The following RFX7 variants were observed in gnomAD, a reference collection of about 807,000 sequenced individuals.
The protein encoded by RFX7 is regulatory factor X7, also known as DNA-binding protein RFX7.
In RFX7, 26 loss-of-function variants were observed where a neutral mutation model predicts 111.8. That is an observed-to-expected ratio of 0.23 (90% CI 0.17 to 0.32). The LOEUF is 0.32. RFX7 is among the 10% of genes least tolerant of loss of function. The pLI is 1.00. For synonymous variants in RFX7, 624 were observed against 624.4 expected (o/e 1.00, Z 0.01); for missense variants, 1,573 against 1,772.9 (o/e 0.89, Z 2.02).
At chr15:56,235,021 A>G (rs545608732) in intron 2 of RFX7, among the ~76,000 whole-genome samples, 3 of 152,248 alleles carry the variant, frequency 2.0e-5, no homozygotes, top group Admixed American at 6.5e-5. Context: ...TTAGACACTT[A>G]TATCAGCAGA....
At chr15:56,121,097 A>T (rs1235072253) in intron 5 of RFX7, among the ~76,000 whole-genome samples, 2 of 152,210 alleles carry the variant, frequency 1.3e-5, no homozygotes, top group African/African-American at 2.4e-5. Context: ...TTGTACCTTC[A>T]GATGATGTCT....
intron 5 of RFX7, among the ~76,000 whole-genome samples, chr15:56,128,696 T>C (rs1327762792): frequency 6.6e-6 from 1 of 152,070 alleles, no homozygotes; most frequent in African/African-American, 2.4e-5. Context: ...AACACTGTAC[T>C]GAAAGTTCTA....
intron 2 of RFX7, among the ~76,000 whole-genome samples, chr15:56,182,669 A>C (rs1193854533): frequency 6.6e-6 from 1 of 152,202 alleles, no homozygotes; most frequent in Non-Finnish European, 1.5e-5. Flanking sequence ...GATACACTTA[A>C]ATGAAATTCA....
At chr15:56,182,519 A>T (rs181799621) in intron 2 of RFX7, among the ~76,000 whole-genome samples, 62 of 152,284 alleles carry the variant, frequency 4.1e-4, no homozygotes, top group Admixed American at 2.0e-3. Context: ...TGTTACTTCA[A>T]GTTGTTACTT....
At chr15:56,110,274 G>GA (rs2041902770) in intron 5 of RFX7, among the ~76,000 whole-genome samples, 1 of 99,834 alleles carries the variant, frequency 1.0e-5, no homozygotes, top group Non-Finnish European at 2.2e-5. Flanking sequence ...GGTGGGGGGG[G>GA]GTCAGCCCCC....
chr15:56,221,183 A>G (rs1164100410), intron 2 of RFX7, among the ~76,000 whole-genome samples: 2 of 152,220 alleles, frequency 1.3e-5, no homozygotes, highest in Non-Finnish European at 2.9e-5. Flanking sequence ...TTAGGTCCAC[A>G]TAAATTTTAA....
intron 5 of RFX7, among the ~76,000 whole-genome samples, chr15:56,134,660 G>A (rs1358992809): frequency 3.0e-5 from 4 of 133,924 alleles, no homozygotes; most frequent in South Asian, 4.6e-4. Flanking sequence ...GGGTACATGT[G>A]CACATTGTGC....
intron 9 of RFX7, among the ~76,000 whole-genome samples, chr15:56,097,280 A>G (rs1425234373): frequency 6.6e-6 from 1 of 152,156 alleles, no homozygotes; most frequent in Non-Finnish European, 1.5e-5. Context: ...AAAGGAGGAG[A>G]CTGTTTCCTT....
intron 3 of RFX7, among the ~76,000 whole-genome samples, chr15:56,153,791 A>T (rs1278218577): frequency 6.6e-6 from 1 of 152,218 alleles, no homozygotes; most frequent in Non-Finnish European, 1.5e-5. Context: ...AGTTCTGGCC[A>T]GGGCAATCAG....
intron 5 of RFX7, among the ~76,000 whole-genome samples, chr15:56,107,296 CAAAAAAAAAAA>C (rs56077181): frequency 6.2e-5 from 2 of 32,146 alleles, no homozygotes; most frequent in Non-Finnish European, 1.1e-4. Context: ...GACTCCGTCT[CAAAAAAAAAAA>C]AAAAAAAAAA....
At chr15:56,108,827 C>G (rs1312526426) in intron 5 of RFX7, among the ~76,000 whole-genome samples, 1 of 152,152 alleles carries the variant, frequency 6.6e-6, no homozygotes, top group Non-Finnish European at 1.5e-5. Context: ...ACTCTTTAAA[C>G]TGATAAGCAA....
At chr15:56,102,692 T>C (rs1311640059) in intron 6 of RFX7, among the ~76,000 whole-genome samples, 2 of 152,228 alleles carry the variant, frequency 1.3e-5, no homozygotes, top group Admixed American at 1.3e-4. Flanking sequence ...CACTGAAACA[T>C]ACAGGATTAT....
In RFX7 at chr15:56,102,866, A is replaced by G. The variant is rs187595786; in HGVS notation, c.519-613T>C. Among the ~76,000 whole-genome samples the G allele has an allele frequency of 2.4e-4, 36 of 152,324 alleles. 2 individuals carry two copies. Among genetic ancestry groups the G allele is most frequent in the Admixed American group, 2.2e-3 (34 of 15,298 alleles). The stretch of plus-strand genomic sequence containing the variant: ...TCTCCTCCATTTTATGCTCTGAAAA[A>G]AAGACAAGAGCTAAGGGGGAGAAAA... On this transcript the variant is annotated intron_variant, in intron 6 of 9. Transcript: ENST00000559447.
At chr15:56,145,178 C>T (rs1487264894) in intron 3 of RFX7, among the ~76,000 whole-genome samples, 1 of 152,112 alleles carries the variant, frequency 6.6e-6, no homozygotes, top group Non-Finnish European at 1.5e-5. Flanking sequence ...TTTTTGCCTT[C>T]CTACCTTTCT....
chr15:56,168,522 T>C (rs2042808457), intron 3 of RFX7, among the ~76,000 whole-genome samples: 1 of 152,180 alleles, frequency 6.6e-6, no homozygotes, highest in Admixed American at 6.5e-5. Context: ...ATAGCTTTGA[T>C]AGGGATATAC....
intron 5 of RFX7, among the ~76,000 whole-genome samples, chr15:56,120,880 C>G (rs1481452084): frequency 1.3e-5 from 2 of 152,090 alleles, no homozygotes; most frequent in Non-Finnish European, 2.9e-5. Flanking sequence ...CTAATAAAAC[C>G]TTTATACTCA....
intron 2 of RFX7, among the ~76,000 whole-genome samples, chr15:56,195,436 A>G (rs1406892788): frequency 1.3e-5 from 2 of 152,186 alleles, no homozygotes; most frequent in African/African-American, 4.8e-5. Context: ...GGATCATAAA[A>G]TTAAGAAAAA....
chr15:56,165,854 T>A lies in RFX7; in HGVS notation c.195+13416A>T, dbSNP rs555710843. 9.8e-4 allele frequency among the ~76,000 whole-genome samples: 149 copies of A among 152,330 alleles called. 1 individual carries two copies. The highest frequency in any genetic ancestry group is 3.2e-3 in the African/African-American group (133 of 41,574). On this transcript the variant is annotated intron_variant, in intron 3 of 9. Coordinates refer to ENST00000559447, the MANE Select transcript of RFX7 (RefSeq NM_022841.7). Reference sequence around the variant, plus strand: ...GGAAGGTATGTAATACAGACTTAAATGAACTTAAAATACTCAGCCTCTTTT... The same window carrying A: ...GGAAGGTATGTAATACAGACTTAAAAGAACTTAAAATACTCAGCCTCTTTT...
chr15:56,171,756 G>GT (rs1329349573), intron 3 of RFX7, among the ~76,000 whole-genome samples: 4 of 152,170 alleles, frequency 2.6e-5, no homozygotes, highest in South Asian at 2.1e-4. Flanking sequence ...AGTTATAGAA[G>GT]TGGGGGTATG....
Sources: allele counts gnomAD v4.1 joint callset (sites outside exome capture counted in the v4.1 genomes callset), GRCh38; gene constraint gnomAD v4.1.1; transcripts MANE v1.5; gene names NCBI Gene and HGNC (gene_info 2026-07-23, HGNC 2026-07-21).